Variants in NOTCH1 observed in about 807,000 individuals in gnomAD.
The protein encoded by NOTCH1 is neurogenic locus notch homolog protein 1.
A neutral mutation model predicts 254.8 loss-of-function variants in NOTCH1; 37 were observed. That is an observed-to-expected ratio of 0.15 (90% CI 0.11 to 0.19). The LOEUF (loss-of-function observed/expected upper bound fraction) is 0.19, where lower values mean the gene tolerates loss of function less well. NOTCH1 is among the 10% of genes least tolerant of loss of function. The pLI is 1.00. For synonymous variants in NOTCH1, 1,731 were observed against 1,618.1 expected (o/e 1.07, Z -1.68); for missense variants, 2,972 against 3,708.6 (o/e 0.80, Z 5.16).
Position 136,523,144 on chromosome 9 carries a change from C to T in NOTCH1, c.448G>A (p.Ala150Thr), listed in dbSNP as rs372660483. The T allele has an allele frequency of 1.2e-5, 19 of 1,606,030 alleles. No individual in the cohort carries two copies. The African/African-American group carries it at 1.5e-4, about 12-fold the overall frequency. ...AAGGGCAGGCACTGGCCACCGTTGGCGCAGGGGTTGGAGGCGCACGGGTCA... is the reference window on the plus strand; with the variant it reads ...AAGGGCAGGCACTGGCCACCGTTGGTGCAGGGGTTGGAGGCGCACGGGTCA... ...QADPCASNPC[A>T]NGGQCLPFEA... The change falls in exon 4 of 34, where the codon GCC (alanine) becomes ACC (threonine). Residue 150 changes from alanine (A) to threonine (T), a missense_variant. Ala to Thr is a moderately conservative substitution (Grantham distance 58). This residue lies in a region of NOTCH1 where 374 missense variants were observed against 496.3 expected (regional missense o/e 0.75). Transcript: ENST00000651671.
rs778270588 is a variant in NOTCH1 at position 136,505,800 on chromosome 9, C to T, written c.4096G>A (p.Gly1366Ser). 226 of 1,585,884 alleles carry T rather than the reference C, an allele frequency of 1.4e-4. No homozygotes were observed. The Admixed American group carries it at 1.5e-3, about 11-fold the overall frequency. ...RCLNGGTCISGPRSPTCLCLG... is the reference protein window; with the variant it reads ...RCLNGGTCISSPRSPTCLCLG... ...CACAGGCAGGTGGGGCTGCGCGGGC[C>T]GGAGATGCATGTGCCGCCGTTGAGG... is the stretch of plus-strand genomic sequence containing the variant. Residue 1366 changes from glycine to serine, a missense_variant, in exon 25 of 34, where the codon GGC (glycine) becomes AGC (serine). Transcript: ENST00000651671.
At chr9:136,534,723 G>A (rs553443074) in intron 2 of NOTCH1, among the ~76,000 whole-genome samples, 1 of 152,140 alleles carries the variant, frequency 6.6e-6, no homozygotes, top group East Asian at 1.9e-4. Flanking sequence ...GACTGTGATT[G>A]CGAGGACCCC....
rs1216621481 is a variant in NOTCH1, at chr9:136,545,698, G to A, written c.61+28C>T. ...AAAGTTTCCAAAGGGCGCGGAAAGT[G>A]GGGGCTCGCGGGTGGGTGGGCGCCT... On this transcript the variant is annotated intron_variant, in intron 1 of 33. Transcript: ENST00000651671. The surrounding 1 kb of genome is among the most constrained non-coding windows in gnomAD (Gnocchi z 6.8). 12 of 1,440,894 alleles carry A rather than the reference G, an allele frequency of 8.3e-6. No individual in the cohort carries two copies. The Admixed American group carries it at 3.2e-4, about 39-fold the overall frequency. 89.3% of individuals were successfully genotyped at this position (1,440,894 alleles called of 1,614,324 possible).
At chr9:136,523,297 G>A (rs1589072238) in intron 3 of NOTCH1, 109 bp from the exon 4 acceptor site, 1 of 1,138,338 alleles carries the variant, frequency 8.8e-7, no homozygotes, top group East Asian at 2.6e-5. Context: ...CACCTTAGGT[G>A]CTATCACATT....
chr9:136,512,666 C>T (rs1020080702), intron 15 of NOTCH1, among the ~76,000 whole-genome samples: 1 of 152,234 alleles, frequency 6.6e-6, no homozygotes, highest in Non-Finnish European at 1.5e-5. Context: ...CAGGCCCGGC[C>T]CTGCTAAGGA....
In NOTCH1 at chr9:136,497,576, G is replaced by T; in HGVS notation, c.6181-18C>A. ...GTCTCCTCCTGGGGGATGAGGGCGGGGGCCGGTGAGGGGGGCCAGGCCAGG... is the reference window on the plus strand; with the variant it reads ...GTCTCCTCCTGGGGGATGAGGGCGGTGGCCGGTGAGGGGGGCCAGGCCAGG... On this transcript the variant is annotated intron_variant, in intron 33 of 33. Coordinates refer to ENST00000651671, the MANE Select transcript of NOTCH1 (RefSeq NM_017617.5). The T allele has an allele frequency of 6.4e-7, 1 of 1,558,960 alleles. No homozygotes were observed. Among genetic ancestry groups the T allele is most frequent in the South Asian group, 1.2e-5 (1 of 85,540 alleles).
In NOTCH1 at chr9:136,501,756, C is replaced by T. The variant is rs772843787; in HGVS notation, c.5630G>A (p.Arg1877His). ...VDADCMDVNV[R>H]GPDGFTPLMI... ...GCTGCTGGCACCCTTACCAGGCCCG[C>T]GGACATTGACGTCCATGCAGTCGGC... Residue 1877 changes from arginine (R) to histidine (H), a missense_variant, in exon 30 of 34, where the codon CGC becomes CAC. Coordinates refer to ENST00000651671, the MANE Select transcript of NOTCH1 (RefSeq NM_017617.5). The T allele has an allele frequency of 1.2e-6, 2 of 1,611,722 alleles. No individual in the cohort carries two copies. Among genetic ancestry groups the T allele is most frequent in the South Asian group, 1.1e-5 (1 of 91,044 alleles).
At chr9:136,502,696 C>A in intron 27 of NOTCH1, 1 of 578,350 alleles carries the variant, frequency 1.7e-6, no homozygotes, top group South Asian at 2.1e-5. Context: ...CCAGCCGACT[C>A]TATCTGGAGA....
At position 136,501,819 on chromosome 9, in the gene NOTCH1, G is replaced by C. The variant is rs2133328837; in HGVS notation, c.5567C>G (p.Ser1856Cys). Residue 1856 changes from serine to cysteine, a missense_variant, in exon 30 of 34, where the codon TCT becomes TGT. By Grantham distance (112) the Ser-to-Cys change is moderately radical (BLOSUM62 -1). Around this residue, in one of 8 missense-constraint regions of NOTCH1, gnomAD observed 421 missense variants for 604.4 expected, o/e 0.70. Transcript: ENST00000651671. ...QHLDAADLRM[S>C]AMAPTPPQGE... Reference sequence around the variant, plus strand: ...CTGGGGCGGTGTGGGGGCCATGGCAGACATGCGCAGGTCAGCGGCATCCAG... The same window carrying C: ...CTGGGGCGGTGTGGGGGCCATGGCACACATGCGCAGGTCAGCGGCATCCAG... 2 of 1,612,814 alleles carry C rather than the reference G, an allele frequency of 1.2e-6. No individual in the cohort carries two copies. Among genetic ancestry groups the C allele is most frequent in the South Asian group, 1.1e-5 (1 of 91,086 alleles).
intron 21 of NOTCH1, 28 bp downstream of exon 21, chr9:136,507,927 C>A (rs1455805690): frequency 6.2e-7 from 1 of 1,610,758 alleles, no homozygotes; most frequent in Non-Finnish European, 8.5e-7. Flanking sequence ...GTGCCGGCCA[C>A]AACCCTTACC....
At chr9:136,526,752 AAC>A (rs1392316954) in intron 2 of NOTCH1, among the ~76,000 whole-genome samples, 1 of 152,228 alleles carries the variant, frequency 6.6e-6, no homozygotes, top group Non-Finnish European at 1.5e-5. Context: ...CATCCCAGTT[AAC>A]GAGGCTGTAT....
chr9:136,508,832 G>A, intron 19 of NOTCH1, 38 bp downstream of exon 19: 2 of 1,522,366 alleles, frequency 1.3e-6, no homozygotes, highest in Non-Finnish European at 1.8e-6. Context: ...CCCACCCAGG[G>A]CCCCTCCTTC....
At chr9:136,525,591 G>A (rs890891533) in intron 2 of NOTCH1, among the ~76,000 whole-genome samples, 1 of 152,202 alleles carries the variant, frequency 6.6e-6, no homozygotes, top group Non-Finnish European at 1.5e-5. Flanking sequence ...ACCTGGGTGC[G>A]GGGCTGCGGC....
At chr9:136,538,442 G>A (rs567594039) in intron 2 of NOTCH1, among the ~76,000 whole-genome samples, 64 of 152,382 alleles carry the variant, frequency 4.2e-4, no homozygotes, top group African/African-American at 1.4e-3. Flanking sequence ...GGAGGGGACA[G>A]TGTGGGGAGC....
rs776640246 is a variant in NOTCH1, at chr9:136,501,993, C to G, written c.5472+8G>C. On this transcript the variant is annotated splice_region_variant and intron_variant, in intron 29 of 33. Transcript: ENST00000651671. ...GGAGCCCAGGAGCCCGGGAGCCTCG[C>G]GACTCACCCGGAACTTCTTGGTCTC... The G allele has an allele frequency of 1.2e-6, 2 of 1,612,622 alleles. No individual in the cohort carries two copies. Among genetic ancestry groups the G allele is most frequent in the Non-Finnish European group, 1.7e-6 (2 of 1,179,934 alleles).
chr9:136,529,876 G>C (rs1235977446), intron 2 of NOTCH1, among the ~76,000 whole-genome samples: 1 of 152,240 alleles, frequency 6.6e-6, no homozygotes, highest in Admixed American at 6.5e-5. Context: ...ACAAAACCAC[G>C]AGATTGGGGG....
Position 136,504,857 on chromosome 9 carries a change from C to T in NOTCH1, c.4834G>A (p.Gly1612Ser), listed in dbSNP as rs1166328821. ...TNVVFKRDAH[G>S]QQMIFPYYGR... is the part of the protein sequence containing the mutation. ...TAGTAGGGGAAGATCATCTGCTGGCCGTGTGCGTCACGCTTGAAGACCACG... is the reference window on the plus strand; with the variant it reads ...TAGTAGGGGAAGATCATCTGCTGGCTGTGTGCGTCACGCTTGAAGACCACG... The change falls in exon 26 of 34, where the codon GGC becomes AGC. Residue 1612 changes from glycine to serine, a missense_variant. Transcript: ENST00000651671. The T allele has an allele frequency of 1.5e-5, 23 of 1,582,226 alleles. No individual in the cohort carries two copies. The highest frequency in any genetic ancestry group is 7.3e-5 in the Admixed American group (4 of 55,008).
At chr9:136,497,589 GGGCCA>G in intron 33 of NOTCH1, 31 bp from the exon 34 acceptor site, 1 of 1,535,158 alleles carries the variant, frequency 6.5e-7, no homozygotes, top group South Asian at 1.2e-5. Context: ...CCGGTGAGGG[GGGCCA>G]GGCCAGGCGT....
chr9:136,496,655 T>A lies in NOTCH1; in HGVS notation c.7084A>T (p.Met2362Leu). The change falls in exon 34 of 34, where the codon ATG becomes TTG. Residue 2362 changes from methionine (M) to leucine (L), a missense_variant. Around this residue, in one of 8 missense-constraint regions of NOTCH1, gnomAD observed 529 missense variants for 529.2 expected, o/e 1.00. Coordinates refer to ENST00000651671, the MANE Select transcript of NOTCH1 (RefSeq NM_017617.5). ...CTGGGCAGGCCCTGGTAGCTCATCA[T>A]CTGGGACAGGGCGCTGGCAGCAAGG... ...SSLAASALSQMMSYQGLPSTR... is the reference protein window; with the variant it reads ...SSLAASALSQLMSYQGLPSTR... The A allele has an allele frequency of 6.2e-7, 1 of 1,613,106 alleles. No homozygotes were observed. Among genetic ancestry groups the A allele is most frequent in the Non-Finnish European group, 8.5e-7 (1 of 1,179,962 alleles).
Sources: allele counts gnomAD v4.1 joint callset (sites outside exome capture counted in the v4.1 genomes callset), GRCh38; gene constraint gnomAD v4.1.1; regional missense constraint gnomAD v4.1.1; non-coding constraint Gnocchi (gnomAD v3.1); transcripts MANE v1.5; gene names NCBI Gene and HGNC (gene_info 2026-07-23, HGNC 2026-07-21).